CFDP1: variants seen among roughly 807,000 people sequenced by gnomAD.
CFDP1 encodes chromatin remodeling protein CFDP1.
In CFDP1, 31 loss-of-function variants were observed where a neutral mutation model predicts 40.1. That is an observed-to-expected ratio of 0.77 (90% CI 0.58 to 1.04). The LOEUF is 1.04. Ranked by LOEUF, CFDP1 falls within the 50% of genes least tolerant of loss-of-function variation. The pLI, the probability that CFDP1 is intolerant of heterozygous loss-of-function variation, is 0.00. For missense variants in CFDP1, 423 were observed against 343.4 expected (o/e 1.23, Z -1.83); for synonymous variants, 167 against 120.0 (o/e 1.39, Z -2.56).
intron 4 of CFDP1, 94 bp from the exon 5 acceptor site, chr16:75,395,303 C>T: frequency 7.7e-7 from 1 of 1,306,700 alleles, no homozygotes; most frequent in Non-Finnish European, 1.1e-6. Context: ...AAAAGATCCA[C>T]TCGGCTTCCA....
chr16:75,362,866 T>C (rs2078688726), intron 5 of CFDP1: 1 of 152,212 alleles, frequency 6.6e-6, no homozygotes, highest in Non-Finnish European at 1.5e-5. Flanking sequence ...AGGAGGCCTA[T>C]GTACAGACCT....
intron 5 of CFDP1, among the ~76,000 whole-genome samples, chr16:75,349,437 G>C (rs956966162): frequency 2.0e-5 from 3 of 150,738 alleles, no homozygotes; most frequent in Non-Finnish European, 1.5e-5. Flanking sequence ...TTGAACCCGG[G>C]AGTGGAGGTT....
In CFDP1 at chr16:75,411,919, T is replaced by C. The variant is rs2079166333; in HGVS notation, c.436A>G (p.Lys146Glu). Residue 146 changes from lysine to glutamate, a missense_variant, in exon 4 of 7, where the codon AAA becomes GAA. Physicochemically the swap from Lys to Glu is moderately conservative, Grantham distance 56. Transcript: ENST00000283882. Reference protein sequence around the residue: ...GEETEETSSSKLLVKAEELEK... With the variant: ...GEETEETSSSELLVKAEELEK... ...AGCTCTTCTGCTTTTACCAACAATT[T>C]ACTTGAACTTGTCTCTTCAGTCTCC... The C allele has an allele frequency of 6.2e-7, 1 of 1,611,216 alleles. No homozygotes were observed. The highest frequency in any genetic ancestry group is 8.5e-7 in the Non-Finnish European group (1 of 1,179,436).
intron 5 of CFDP1, among the ~76,000 whole-genome samples, chr16:75,352,645 C>A (rs1161477773): frequency 1.3e-5 from 2 of 152,132 alleles, no homozygotes; most frequent in Admixed American, 1.3e-4. Flanking sequence ...TATGGTTTGA[C>A]TCACAATTTT....
At chr16:75,303,932 A>G (rs146522982) in intron 6 of CFDP1, among the ~76,000 whole-genome samples, 139 of 152,218 alleles carry the variant, frequency 9.1e-4, no homozygotes, top group African/African-American at 3.1e-3. Flanking sequence ...GACACTCAAC[A>G]TTTCCTTTCA....
intron 5 of CFDP1, among the ~76,000 whole-genome samples, chr16:75,346,643 G>T (rs1457881181): frequency 8.5e-6 from 1 of 117,018 alleles, no homozygotes; most frequent in Non-Finnish European, 1.7e-5. Context: ...GATGAAGGAA[G>T]CAACAATAAA....
At chr16:75,399,830 G>A (rs939937568) in intron 4 of CFDP1, among the ~76,000 whole-genome samples, 4 of 152,092 alleles carry the variant, frequency 2.6e-5, no homozygotes, top group Middle Eastern at 3.4e-3. Flanking sequence ...GGCTGGGCGT[G>A]GTGGCTCACG....
intron 5 of CFDP1, among the ~76,000 whole-genome samples, chr16:75,338,642 G>GT (rs981614827): frequency 4.1e-4 from 63 of 152,156 alleles, no homozygotes; most frequent in Admixed American, 1.0e-3. Flanking sequence ...TGCATTTTCT[G>GT]TTTTTTTGCT....
intron 4 of CFDP1, among the ~76,000 whole-genome samples, chr16:75,410,358 T>G (rs1289455184): frequency 1.3e-5 from 2 of 152,104 alleles, no homozygotes; most frequent in Non-Finnish European, 2.9e-5. Context: ...GGAAGGGAAA[T>G]TACAGGGATG....
intron 1 of CFDP1, among the ~76,000 whole-genome samples, chr16:75,421,671 C>T (rs1252975906): frequency 6.6e-6 from 1 of 152,138 alleles, no homozygotes; most frequent in Non-Finnish European, 1.5e-5. Flanking sequence ...AAAAATCACC[C>T]TGGAAGAAAC....
chr16:75,381,267 C>T, intron 5 of CFDP1: 1 of 151,928 alleles, frequency 6.6e-6, no homozygotes, highest in South Asian at 2.1e-4. Flanking sequence ...AGTTGGAGAC[C>T]AGCCTGGGTA....
At chr16:75,401,252 C>A (rs1352698383) in intron 4 of CFDP1, among the ~76,000 whole-genome samples, 1 of 151,964 alleles carries the variant, frequency 6.6e-6, no homozygotes, top group Non-Finnish European at 1.5e-5. Context: ...TACAGTGAAA[C>A]CCCGTCTCTA....
intron 4 of CFDP1, among the ~76,000 whole-genome samples, chr16:75,406,268 C>G (rs1012424804): frequency 6.6e-6 from 1 of 151,830 alleles, no homozygotes; most frequent in Non-Finnish European, 1.5e-5. Flanking sequence ...TCCCAGGTAT[C>G]AGGGAGGCTG....
chr16:75,302,729 A>C (rs1039204488), intron 6 of CFDP1, among the ~76,000 whole-genome samples: 1 of 152,216 alleles, frequency 6.6e-6, no homozygotes, highest in Non-Finnish European at 1.5e-5. Flanking sequence ...GCTGAATCTG[A>C]ATGGAGAGGT....
chr16:75,298,118 G>C (rs946557075), intron 6 of CFDP1, among the ~76,000 whole-genome samples: 9 of 152,218 alleles, frequency 5.9e-5, no homozygotes. Context: ...CAGGCTTTGT[G>C]TATAAGGTAC....
At chr16:75,297,166 C>CTGTGTGTGTGTGTGTG (rs71158597) in intron 6 of CFDP1, among the ~76,000 whole-genome samples, 1 of 143,362 alleles carries the variant, frequency 7.0e-6, no homozygotes, top group Non-Finnish European at 1.5e-5. Flanking sequence ...GTGTGTGTGT[C>CTGTGTGTGTGTGTGTG]TGTGTGTGTG....
At chr16:75,311,444 C>G (rs1054014788) in intron 5 of CFDP1, among the ~76,000 whole-genome samples, 2 of 152,194 alleles carry the variant, frequency 1.3e-5, no homozygotes, top group African/African-American at 4.8e-5. Context: ...CAATCTACTA[C>G]ATTTTTAATG....
At chr16:75,359,625 T>C (rs2078669302) in intron 5 of CFDP1, among the ~76,000 whole-genome samples, 1 of 152,224 alleles carries the variant, frequency 6.6e-6, no homozygotes, top group African/African-American at 2.4e-5. Flanking sequence ...ATGACCTGTA[T>C]GCAATTGCCC....
chr16:75,365,667 C>T (rs2078708564), intron 5 of CFDP1, among the ~76,000 whole-genome samples: 1 of 152,090 alleles, frequency 6.6e-6, no homozygotes, highest in South Asian at 2.1e-4. Flanking sequence ...GGCCGCTGTG[C>T]CTCACTATAC....
Sources: allele counts gnomAD v4.1 joint callset (sites outside exome capture counted in the v4.1 genomes callset), GRCh38; gene constraint gnomAD v4.1.1; transcripts MANE v1.5; gene names NCBI Gene and HGNC (gene_info 2026-07-23, HGNC 2026-07-21).